HM13: variants seen among roughly 807,000 people sequenced by gnomAD.
The protein encoded by HM13 is signal peptide peptidase.
A neutral mutation model predicts 50.0 loss-of-function variants in HM13; 18 were observed. The observed-to-expected ratio is 0.36, with a 90% CI of 0.25 to 0.53. The LOEUF (loss-of-function observed/expected upper bound fraction) is 0.53, where lower values mean the gene tolerates loss of function less well. Ranked by LOEUF, HM13 falls within the 20% of genes least tolerant of loss-of-function variation. HM13 has a pLI of 0.90. For missense variants in HM13, 393 were observed against 552.4 expected, an observed-to-expected ratio of 0.71 and a Z score of 2.89; for synonymous variants, 197 against 232.6, an observed-to-expected ratio of 0.85 and a Z score of 1.39.
At chr20:31,568,391 G>T in intron 12 of HM13, 167 bp downstream of exon 12, 1 of 1,029,718 alleles carries the variant, frequency 9.7e-7, no homozygotes, top group Non-Finnish European at 1.4e-6. Context: ...GAGCCATAGG[G>T]CTGGGAAGCA....
chr20:31,556,264 C>T (rs561956766), intron 8 of HM13, among the ~76,000 whole-genome samples: 4 of 151,948 alleles, frequency 2.6e-5, no homozygotes, highest in South Asian at 4.2e-4. Context: ...TCTCAAACTC[C>T]CGACCTCAGG....
At chr20:31,527,141 C>T (rs1401420639) in intron 1 of HM13, among the ~76,000 whole-genome samples, 1 of 152,140 alleles carries the variant, frequency 6.6e-6, no homozygotes, top group East Asian at 1.9e-4. Context: ...AGTTCGAGAC[C>T]AGCCTAGCCA....
chr20:31,547,134 G>T (rs117191140), intron 4 of HM13, among the ~76,000 whole-genome samples: 2 of 152,204 alleles, frequency 1.3e-5, no homozygotes, highest in Non-Finnish European at 2.9e-5. Flanking sequence ...GCCGTGAGTC[G>T]GTCTCGTGTC....
chr20:31,564,367 A>T (rs550663503), intron 10 of HM13, among the ~76,000 whole-genome samples: 48 of 152,086 alleles, frequency 3.2e-4, no homozygotes, highest in Non-Finnish European at 6.0e-4. Context: ...ACTTGAGCTC[A>T]GGAGTTCAAG....
At position 31,548,286 on chromosome 20, in the gene HM13, CTG is replaced by C. The variant is rs912302128; in HGVS notation, c.455-740_455-739del. The C allele has an allele frequency of 4.6e-5, 20 of 430,796 alleles. No individual in the cohort carries two copies. In the East Asian group the frequency reaches 6.6e-4, roughly 14 times the overall value. 26.7% of individuals were successfully genotyped at this position (430,796 alleles called of 1,614,324 possible). A position where few individuals can be genotyped will look rare whatever the true frequency, so the allele number is the denominator to read the frequency against. On this transcript the variant is annotated intron_variant, in intron 4 of 12. Transcript: ENST00000398174. The stretch of plus-strand genomic sequence containing the variant: ...GGAATGTGAAAGGAGTGTCTGGACT[CTG>C]TGACTCCCGGCAAACTCCACAGCCT...
chr20:31,553,553 G>T (rs758209705), intron 7 of HM13, among the ~76,000 whole-genome samples: 1 of 152,062 alleles, frequency 6.6e-6, no homozygotes, highest in African/African-American at 2.4e-5. Context: ...CAAAACTAAG[G>T]CAGGTAAGTA....
rs1004628858 is a variant in HM13 at position 31,514,823 on chromosome 20, C to T, written c.183+89C>T. On this transcript the variant is annotated intron_variant, in intron 1 of 12. Coordinates refer to ENST00000398174, the MANE Select transcript of HM13 (RefSeq NM_178581.3). This position sits in a 1 kb window ranked among gnomAD's most constrained non-coding sequence, Gnocchi z 4.3. ...TTCCTAGGCGGGACAGACACCTCTC[C>T]CCGGACACTGACTCTTCCCAGCCCT... 21 of 1,219,446 alleles carry T rather than the reference C, an allele frequency of 1.7e-5. No homozygotes were observed. The highest frequency in any genetic ancestry group is 2.2e-5 in the Non-Finnish European group (20 of 900,030). The allele number at this position is 1,219,446 out of a possible 1,614,324, so 75.5% of individuals were successfully genotyped here. A position where few individuals can be genotyped will look rare whatever the true frequency, so the allele number is the denominator to read the frequency against.
chr20:31,555,534 GA>G (rs1385125181), intron 8 of HM13, among the ~76,000 whole-genome samples: 1 of 152,176 alleles, frequency 6.6e-6, no homozygotes, highest in East Asian at 1.9e-4. Context: ...AGTCAGGAAA[GA>G]GACTAAGGGC....
At chr20:31,521,974 C>A (rs1276340299) in intron 1 of HM13, among the ~76,000 whole-genome samples, 1 of 151,102 alleles carries the variant, frequency 6.6e-6, no homozygotes, top group African/African-American at 2.4e-5. Context: ...GATTACAGTC[C>A]AGTCTCCCAT....
chr20:31,567,294 C>T (rs1428088128), intron 11 of HM13, among the ~76,000 whole-genome samples: 2 of 152,168 alleles, frequency 1.3e-5, no homozygotes, highest in Non-Finnish European at 2.9e-5. Flanking sequence ...CCTCTGCTTC[C>T]CATCCAGCCC....
At chr20:31,554,881 C>A in intron 8 of HM13, 52 bp downstream of exon 8, 3 of 1,406,294 alleles carry the variant, frequency 2.1e-6, no homozygotes, top group South Asian at 1.1e-5. Flanking sequence ...GGGTATTCCC[C>A]GGAGCAAGGG....
chr20:31,554,573 T>A, intron 7 of HM13, 173 bp from the exon 8 acceptor site: 1 of 552,320 alleles, frequency 1.8e-6, no homozygotes, highest in Non-Finnish European at 3.2e-6. Flanking sequence ...TTCCAGCTAC[T>A]TGGGAGGCTG....
rs143246601 is a variant in HM13 at position 31,533,427 on chromosome 20, C to T, written c.283-4752C>T. On this transcript the variant is annotated intron_variant, in intron 2 of 12. Transcript: ENST00000398174. ...GGCTGAGGCAGGAGAATCGCTTGAA[C>T]CCAGGAGGCAGAGGTTGTGGTGAGC... Among the ~76,000 whole-genome samples the T allele has an allele frequency of 2.6e-5, 4 of 152,200 alleles. No individual in the cohort carries two copies. The East Asian group carries it at 5.8e-4, about 22-fold the overall frequency.
chr20:31,553,128 T>G (rs912286610), intron 7 of HM13, among the ~76,000 whole-genome samples: 2 of 151,880 alleles, frequency 1.3e-5, no homozygotes, highest in African/African-American at 4.8e-5. Flanking sequence ...AAACCCTGTC[T>G]CTACTAAAAA....
At chr20:31,540,284 C>T (rs1983364511) in intron 3 of HM13, 1 of 152,274 alleles carries the variant, frequency 6.6e-6, no homozygotes, top group African/African-American at 2.4e-5. Context: ...GCCCAGTCGC[C>T]CTTGCTCACA....
At chr20:31,567,926 A>G in intron 11 of HM13, 152 bp from the exon 12 acceptor site, 3 of 666,930 alleles carry the variant, frequency 4.5e-6, no homozygotes, top group Non-Finnish European at 7.5e-6. Context: ...TCTCCAAATA[A>G]TATCAGCTTC....
At position 31,561,678 on chromosome 20, in the gene HM13, C is replaced by T. The variant is rs1258213800; in HGVS notation, c.890C>T (p.Ala297Val). ...ACCTACTTCTACACCAGCTTTGCAG[C>T]CTACATCTTCGGCCTGGGCCTTACC... Reference protein sequence around the residue: ...THTYFYTSFAAYIFGLGLTIF... With the variant: ...THTYFYTSFAVYIFGLGLTIF... Residue 297 changes from alanine to valine, a missense_variant, in exon 10 of 13, where the codon GCC (alanine) becomes GTC (valine). Coordinates refer to ENST00000398174, the MANE Select transcript of HM13 (RefSeq NM_178581.3). 1 of 1,613,910 alleles carries T rather than the reference C, an allele frequency of 6.2e-7. No homozygotes were observed. Among genetic ancestry groups the T allele is most frequent in the African/African-American group, 1.3e-5 (1 of 74,948 alleles).
At chr20:31,552,947 C>G (rs1349654287) in intron 7 of HM13, among the ~76,000 whole-genome samples, 1 of 151,936 alleles carries the variant, frequency 6.6e-6, no homozygotes, top group Admixed American at 6.6e-5. Flanking sequence ...TGCACTCCAG[C>G]CTGGGTGACA....
intron 1 of HM13, among the ~76,000 whole-genome samples, chr20:31,526,693 A>C (rs1347787200): frequency 1.3e-5 from 2 of 152,204 alleles, no homozygotes; most frequent in Non-Finnish European, 2.9e-5. Flanking sequence ...TCTGCCAGTC[A>C]AATTTCTTAA....
Sources: gnomAD v4.1 joint callset for allele counts (sites outside exome capture counted in the v4.1 genomes callset) on GRCh38, gnomAD v4.1.1 for gene constraint, Gnocchi (gnomAD v3.1) non-coding constraint, MANE v1.5 for transcripts, NCBI Gene and HGNC (gene_info 2026-07-23, HGNC 2026-07-21) for gene names.